CYTH1: variants seen among roughly 807,000 people sequenced by gnomAD.
The protein encoded by CYTH1 is cytohesin 1.
A neutral mutation model predicts 61.8 loss-of-function variants in CYTH1; 18 were observed. The ratio of observed to expected loss-of-function variants is 0.29; its 90% CI spans 0.20 to 0.43. The LOEUF (loss-of-function observed/expected upper bound fraction) is 0.43, where lower values mean the gene tolerates loss of function less well. Ranked by LOEUF, CYTH1 falls within the 20% of genes least tolerant of loss-of-function variation. The pLI is 1.00. For synonymous variants in CYTH1, 174 were observed against 184.3 expected, an observed-to-expected ratio of 0.94 and a Z score of 0.45; for missense variants, 336 against 510.5, an observed-to-expected ratio of 0.66 and a Z score of 3.29.
At chr17:78,698,446 T>G (rs2092970253) in intron 8 of CYTH1, 66 bp from the exon 9 acceptor site, 2 of 1,279,396 alleles carry the variant, frequency 1.6e-6, no homozygotes, top group Non-Finnish European at 2.3e-6. Context: ...CCCCTTTCTC[T>G]TCATTCATTC....
chr17:78,699,176 C>T (rs2092980483), intron 7 of CYTH1, among the ~76,000 whole-genome samples: 1 of 152,062 alleles, frequency 6.6e-6, no homozygotes, highest in Admixed American at 6.5e-5. Context: ...CCTAGCCTGA[C>T]CCACATGGTG....
chr17:78,692,330 G>C lies in CYTH1; in HGVS notation c.891+87C>G, dbSNP rs530348364. The stretch of plus-strand genomic sequence containing the variant: ...ACAGATACTGAAGGGCAAATCCAAC[G>C]GTCTCCTCAACCATGTCTGATTAGA... On this transcript the variant is annotated intron_variant, in intron 11 of 13. Coordinates refer to ENST00000446868, the MANE Select transcript of CYTH1 (RefSeq NM_004762.6). 7 of 1,348,736 alleles carry C rather than the reference G, an allele frequency of 5.2e-6. No homozygotes were observed. In the African/African-American group the frequency reaches 5.8e-5, roughly 11 times the overall value. 83.5% of individuals were successfully genotyped at this position (1,348,736 alleles called of 1,614,324 possible). A position where few individuals can be genotyped will look rare whatever the true frequency, so the allele number is the denominator to read the frequency against.
intron 6 of CYTH1, 112 bp downstream of exon 6, chr17:78,701,559 A>T: frequency 9.8e-7 from 1 of 1,023,396 alleles, no homozygotes; most frequent in Non-Finnish European, 1.5e-6. Flanking sequence ...ACTTCAAAAT[A>T]TTCAAATCAT....
At chr17:78,725,291 T>G (rs563786554) in intron 1 of CYTH1, among the ~76,000 whole-genome samples, 9 of 152,332 alleles carry the variant, frequency 5.9e-5, no homozygotes, top group African/African-American at 2.2e-4. Context: ...CTGATGACCT[T>G]CTTTATCACT....
chr17:78,709,894 A>T (rs1282520252), intron 1 of CYTH1, among the ~76,000 whole-genome samples, 162 bp from the exon 2 acceptor site: 4 of 152,238 alleles, frequency 2.6e-5, no homozygotes, highest in African/African-American at 9.6e-5. Context: ...TTCTTATCAG[A>T]TTTCTAAGAA....
chr17:78,702,060 T>C, intron 5 of CYTH1, 62 bp downstream of exon 5: 2 of 1,343,574 alleles, frequency 1.5e-6, no homozygotes, highest in Non-Finnish European at 2.1e-6. Flanking sequence ...TTTGGGAGTT[T>C]GTTTCTTTGT....
chr17:78,771,065 C>A (rs1360064782), intron 1 of CYTH1, among the ~76,000 whole-genome samples: 4 of 151,572 alleles, frequency 2.6e-5, no homozygotes, highest in Non-Finnish European at 5.9e-5. Context: ...GAGTTTGGGA[C>A]CAGCCTGCCC....
intron 11 of CYTH1, among the ~76,000 whole-genome samples, chr17:78,688,138 A>G (rs2092835757): frequency 6.6e-6 from 1 of 152,252 alleles, no homozygotes; most frequent in Non-Finnish European, 1.5e-5. Context: ...ACTCACATTT[A>G]GAAGTGACCT....
intron 1 of CYTH1, among the ~76,000 whole-genome samples, chr17:78,747,950 G>A (rs1198524734): frequency 6.6e-6 from 1 of 152,064 alleles, no homozygotes; most frequent in Non-Finnish European, 1.5e-5. Flanking sequence ...GAGCCCCTAT[G>A]CTCGGGTCCA....
intron 1 of CYTH1, among the ~76,000 whole-genome samples, chr17:78,771,318 T>G (rs1162635734): frequency 6.6e-6 from 1 of 152,122 alleles, no homozygotes; most frequent in Non-Finnish European, 1.5e-5. Context: ...CACATGCCTA[T>G]AATCCCAGCT....
rs542962327 is a variant in CYTH1 at position 78,687,471 on chromosome 17, ATCT to A, written c.891+4943_891+4945del. Among the ~76,000 whole-genome samples the A allele has an allele frequency of 2.0e-3, 310 of 152,302 alleles. 4 individuals are homozygous for A. The highest frequency in any genetic ancestry group is 2.3e-3 in the Non-Finnish European group (155 of 68,028). Reference sequence around the variant, plus strand: ...TGTCATTTGCGATCTCAAGCAGTTGATCTTCTTCTAGCATTGGCCAAGGTGATT... The same window carrying A: ...TGTCATTTGCGATCTCAAGCAGTTGATCTTCTAGCATTGGCCAAGGTGATT... On this transcript the variant is annotated intron_variant, in intron 11 of 13. Coordinates refer to ENST00000446868, the MANE Select transcript of CYTH1 (RefSeq NM_004762.6).
intron 11 of CYTH1, among the ~76,000 whole-genome samples, chr17:78,682,599 G>GA (rs1294848527): frequency 3.9e-5 from 6 of 152,156 alleles, no homozygotes; most frequent in Non-Finnish European, 7.4e-5. Flanking sequence ...TAACATTTCT[G>GA]AAATCTCACT....
chr17:78,677,588 T>C (rs188104384), intron 13 of CYTH1: 1 of 155,968 alleles, frequency 6.4e-6, no homozygotes, highest in African/African-American at 2.4e-5. Context: ...GCTGTACCTC[T>C]GGGTACAGCG....
chr17:78,777,066 G>A (rs1240204674), intron 1 of CYTH1, among the ~76,000 whole-genome samples: 16 of 151,780 alleles, frequency 1.1e-4, no homozygotes, highest in African/African-American at 2.9e-4. Flanking sequence ...CGGAGGTTGC[G>A]GTGAGCCGAG....
At chr17:78,768,300 G>A (rs954027191) in intron 1 of CYTH1, among the ~76,000 whole-genome samples, 13 of 152,074 alleles carry the variant, frequency 8.5e-5, no homozygotes, top group African/African-American at 2.9e-4. Context: ...ATTCCAAGAC[G>A]ACATCCTTGG....
At chr17:78,724,758 C>T (rs1230542917) in intron 1 of CYTH1, among the ~76,000 whole-genome samples, 2 of 152,216 alleles carry the variant, frequency 1.3e-5, no homozygotes, top group African/African-American at 4.8e-5. Context: ...GGCACCCGCC[C>T]CTCTGCAAGC....
intron 10 of CYTH1, among the ~76,000 whole-genome samples, chr17:78,693,001 C>T (rs879298609): frequency 1.4e-4 from 22 of 152,124 alleles, no homozygotes; most frequent in Non-Finnish European, 2.6e-4. Context: ...CCCTGGAACA[C>T]GAAGTAAATC....
intron 11 of CYTH1, among the ~76,000 whole-genome samples, chr17:78,683,581 G>A (rs1028234925): frequency 6.6e-6 from 1 of 152,174 alleles, no homozygotes; most frequent in Non-Finnish European, 1.5e-5. Flanking sequence ...AGCTGGGGGT[G>A]GGAGAAGTCC....
chr17:78,761,825 G>A (rs1046372485), intron 1 of CYTH1, among the ~76,000 whole-genome samples: 6 of 152,308 alleles, frequency 3.9e-5, no homozygotes, highest in African/African-American at 7.2e-5. Flanking sequence ...ACATTTATAC[G>A]TTTGAGAAAA....
Sources: allele counts gnomAD v4.1 joint callset (sites outside exome capture counted in the v4.1 genomes callset), GRCh38; gene constraint gnomAD v4.1.1; transcripts MANE v1.5; gene names NCBI Gene and HGNC (gene_info 2026-07-23, HGNC 2026-07-21).